PPP3CB: variants seen among roughly 807,000 people sequenced by gnomAD.
PPP3CB encodes serine/threonine-protein phosphatase 2B catalytic subunit beta isoform.
PPP3CB carries 8 observed loss-of-function variants against 66.4 expected under a neutral mutation model. The ratio of observed to expected loss-of-function variants is 0.12; its 90% CI spans 0.07 to 0.22. The LOEUF (loss-of-function observed/expected upper bound fraction) is 0.22. Among genes scored for constraint, PPP3CB ranks in the 10% least tolerant of loss-of-function variants. The probability of loss-of-function intolerance (pLI) is 1.00; values close to 1 mark genes in which losing one functional copy is unlikely to be tolerated. For synonymous variants in PPP3CB, 208 were observed against 221.2 expected, an observed-to-expected ratio of 0.94 and a Z score of 0.53; for missense variants, 319 against 642.5, an observed-to-expected ratio of 0.50 and a Z score of 5.44.
rs1303477685 is a variant in PPP3CB, at chr10:73,486,686, T to C, written c.86-7169A>G. 1.3e-5 allele frequency among the ~76,000 whole-genome samples: 2 copies of C among 152,232 alleles called. 1 individual carries two copies. The highest frequency in any genetic ancestry group is 4.8e-5 in the African/African-American group (2 of 41,460). On this transcript the variant is annotated intron_variant, in intron 1 of 13. Transcript: ENST00000360663. ...TCTTGGGTCTCCTGAAGGACAACAC[T>C]TATCAAATTCTTTTTTCAAAGTGGA...
At chr10:73,466,097 C>T (rs575550279) in intron 9 of PPP3CB, among the ~76,000 whole-genome samples, 2 of 152,312 alleles carry the variant, frequency 1.3e-5, no homozygotes, top group East Asian at 1.9e-4. Flanking sequence ...TCCATCTTCA[C>T]TTGTAAGGGA....
chr10:73,448,198 AT>A (rs1274603493), intron 10 of PPP3CB, among the ~76,000 whole-genome samples: 1 of 152,192 alleles, frequency 6.6e-6, no homozygotes, highest in Non-Finnish European at 1.5e-5. Flanking sequence ...TTTAATTTCT[AT>A]ATCTATAAAA....
chr10:73,438,572 T>G lies in PPP3CB; in HGVS notation c.1397-152A>C, dbSNP rs2056100674. The G allele has an allele frequency of 7.3e-6, 5 of 680,430 alleles. No individual in the cohort carries two copies. In the Admixed American group the frequency reaches 1.5e-4, roughly 20 times the overall value. 42.1% of individuals were successfully genotyped at this position (680,430 alleles called of 1,614,324 possible). On this transcript the variant is annotated intron_variant, in intron 13 of 13. Transcript: ENST00000360663. ...TAACTGAATCCTATCCTCATTTCAG[T>G]CTTTCCTTAAAATGTGAAATGTTTA...
intron 9 of PPP3CB, among the ~76,000 whole-genome samples, chr10:73,458,627 G>A (rs1211138883): frequency 6.6e-6 from 1 of 150,840 alleles, no homozygotes. Context: ...GCGAAACCCT[G>A]TCTCTATATT....
intron 1 of PPP3CB, among the ~76,000 whole-genome samples, chr10:73,486,245 A>G (rs1483021434): frequency 7.3e-6 from 1 of 136,140 alleles, no homozygotes; most frequent in African/African-American, 2.8e-5. Context: ...CGCCCAGCCA[A>G]TTTTTTGTAG....
intron 3 of PPP3CB, 133 bp downstream of exon 3, chr10:73,478,366 C>G (rs2056824294): frequency 1.4e-6 from 1 of 714,148 alleles, no homozygotes; most frequent in Non-Finnish European, 2.3e-6. Flanking sequence ...TAAATAGTAG[C>G]TTTTCATAAA....
At chr10:73,482,913 T>C (rs1303789525) in intron 1 of PPP3CB, among the ~76,000 whole-genome samples, 2 of 152,148 alleles carry the variant, frequency 1.3e-5, no homozygotes, top group Non-Finnish European at 2.9e-5. Flanking sequence ...CCACTGTGCC[T>C]GGCCTAGATG....
intron 10 of PPP3CB, among the ~76,000 whole-genome samples, chr10:73,449,555 C>G (rs2056312148): frequency 6.6e-6 from 1 of 152,118 alleles, no homozygotes; most frequent in Non-Finnish European, 1.5e-5. Flanking sequence ...ATGTACTTCC[C>G]TTTACCAAAC....
Position 73,438,050 on chromosome 10 carries a change from C to G in PPP3CB, c.*192G>C. On this transcript the variant is annotated 3_prime_UTR_variant, in exon 14 of 14. Transcript: ENST00000360663. ...TGCTCTCCACCTTGGCAGCGATGAC[C>G]CAATCTTATCAGATAGCACATGTCC... 1.9e-6 allele frequency: 1 copy of G among 531,976 alleles called. No homozygotes were observed. Among genetic ancestry groups the G allele is most frequent in the Non-Finnish European group, 3.2e-6 (1 of 316,640 alleles). 33.0% of individuals were successfully genotyped at this position (531,976 alleles called of 1,614,324 possible). A position where few individuals can be genotyped will look rare whatever the true frequency, so the allele number is the denominator to read the frequency against.
intron 10 of PPP3CB, among the ~76,000 whole-genome samples, chr10:73,451,958 G>A (rs1031865278): frequency 2.6e-5 from 4 of 151,652 alleles, no homozygotes; most frequent in African/African-American, 9.7e-5. Context: ...TGTTAAGCCA[G>A]GATGGTCTTG....
chr10:73,464,761 G>A (rs148768323), intron 9 of PPP3CB, among the ~76,000 whole-genome samples: 7,097 of 151,938 alleles, frequency 0.047, 511 homozygotes, highest in African/African-American at 0.15. Context: ...GTGAAACCCC[G>A]TCTCTACTAA....
chr10:73,494,259 C>T (rs1390176779), intron 1 of PPP3CB, among the ~76,000 whole-genome samples: 1 of 151,810 alleles, frequency 6.6e-6, no homozygotes, highest in Non-Finnish European at 1.5e-5. Context: ...TAACTTAAGC[C>T]TAGGTGCAAA....
At chr10:73,463,416 C>T (rs2056564081) in intron 9 of PPP3CB, among the ~76,000 whole-genome samples, 1 of 152,212 alleles carries the variant, frequency 6.6e-6, no homozygotes, top group South Asian at 2.1e-4. Flanking sequence ...GATCAATATC[C>T]TCATGATCTA....
At chr10:73,459,996 A>G (rs1275628050) in intron 9 of PPP3CB, among the ~76,000 whole-genome samples, 4 of 152,128 alleles carry the variant, frequency 2.6e-5, no homozygotes, top group Non-Finnish European at 4.4e-5. Context: ...AAAAATAAAG[A>G]AAAGTATGAG....
chr10:73,460,765 C>A (rs549807894), intron 9 of PPP3CB, among the ~76,000 whole-genome samples: 4 of 152,362 alleles, frequency 2.6e-5, no homozygotes, highest in Admixed American at 2.6e-4. Context: ...AGCCTCAGGA[C>A]ACTGCTCCCC....
chr10:73,474,179 A>G (rs1001677590), intron 4 of PPP3CB, among the ~76,000 whole-genome samples: 10 of 151,804 alleles, frequency 6.6e-5, no homozygotes, highest in African/African-American at 2.2e-4. Context: ...AGTACCTGGG[A>G]TTACAGGCAC....
At chr10:73,443,383 A>G in intron 12 of PPP3CB, among the ~76,000 whole-genome samples, 1 of 152,162 alleles carries the variant, frequency 6.6e-6, no homozygotes, top group Non-Finnish European at 1.5e-5. Flanking sequence ...TTATTATGGA[A>G]CCAAGTGAAA....
chr10:73,469,897 C>T (rs1181103902), intron 8 of PPP3CB, among the ~76,000 whole-genome samples: 1 of 152,140 alleles, frequency 6.6e-6, no homozygotes, highest in Non-Finnish European at 1.5e-5. Context: ...CCAGACATGT[C>T]AAGACAGAAG....
intron 1 of PPP3CB, among the ~76,000 whole-genome samples, chr10:73,491,700 G>A (rs2057080470): frequency 6.6e-6 from 1 of 152,134 alleles, no homozygotes; most frequent in Non-Finnish European, 1.5e-5. Context: ...AGGCACGGTG[G>A]CTCATGCCTA....
Sources: gnomAD v4.1 joint callset for allele counts (sites outside exome capture counted in the v4.1 genomes callset) on GRCh38, gnomAD v4.1.1 for gene constraint, MANE v1.5 for transcripts, NCBI Gene and HGNC (gene_info 2026-07-23, HGNC 2026-07-21) for gene names.